SUPT3H: variants seen among roughly 807,000 people sequenced by gnomAD.
The protein encoded by SUPT3H is SPT3 homolog, SAGA and STAGA complex component, also known as transcription initiation protein SPT3 homolog.
Under a neutral mutation model 44.3 loss-of-function variants are expected in SUPT3H, and 44 were observed. The observed-to-expected ratio is 0.99, with a 90% confidence interval of 0.78 to 1.28. The LOEUF (loss-of-function observed/expected upper bound fraction) is 1.28. Among genes scored for constraint, SUPT3H ranks in the 50% most tolerant of loss-of-function variants. SUPT3H has a pLI of 0.00. For synonymous variants in SUPT3H, 124 were observed against 125.6 expected, an observed-to-expected ratio of 0.99 and a Z score of 0.09; for missense variants, 380 against 387.1, an observed-to-expected ratio of 0.98 and a Z score of 0.15.
intron 2 of SUPT3H, among the ~76,000 whole-genome samples, chr6:45,262,787 C>T (rs1028723549): frequency 7.2e-5 from 11 of 151,882 alleles, no homozygotes; most frequent in African/African-American, 2.2e-4. Context: ...CTAGGAGGAA[C>T]TTAATATGTG....
chr6:45,198,042 C>G (rs534206331), intron 2 of SUPT3H, among the ~76,000 whole-genome samples: 1 of 151,296 alleles, frequency 6.6e-6, no homozygotes, highest in South Asian at 2.1e-4. Flanking sequence ...AAAAATCTCT[C>G]AAAGTTCTCA....
intron 10 of SUPT3H, among the ~76,000 whole-genome samples, chr6:44,911,984 C>G (rs933082171): frequency 1.3e-5 from 2 of 152,212 alleles, no homozygotes; most frequent in Admixed American, 1.3e-4. Flanking sequence ...CAGCTCAAAT[C>G]TTCCCCTTGC....
chr6:44,924,027 G>A (rs1420883764), intron 10 of SUPT3H, among the ~76,000 whole-genome samples: 1 of 151,978 alleles, frequency 6.6e-6, no homozygotes, highest in African/African-American at 2.4e-5. Context: ...GATTTTCTTT[G>A]TGACATCTTT....
intron 6 of SUPT3H, among the ~76,000 whole-genome samples, chr6:44,993,345 G>C (rs1024239343): frequency 6.6e-6 from 1 of 151,930 alleles, no homozygotes; most frequent in African/African-American, 2.4e-5. Context: ...ATTGGATATA[G>C]TAAGCTACAG....
chr6:45,010,959 C>T (rs1046820895), intron 5 of SUPT3H, among the ~76,000 whole-genome samples: 1 of 152,056 alleles, frequency 6.6e-6, no homozygotes, highest in Non-Finnish European at 1.5e-5. Flanking sequence ...GCTTTTCCTA[C>T]ATTTATTGAG....
At chr6:45,059,337 CAT>C (rs770619701) in intron 3 of SUPT3H, among the ~76,000 whole-genome samples, 11 of 152,006 alleles carry the variant, frequency 7.2e-5, no homozygotes, top group Non-Finnish European at 1.0e-4. Flanking sequence ...AGACAAAAAC[CAT>C]ATGATTATTT....
At chr6:44,870,598 CAAAAA>C (rs775096457) in intron 10 of SUPT3H, among the ~76,000 whole-genome samples, 3 of 73,930 alleles carry the variant, frequency 4.1e-5, no homozygotes, top group African/African-American at 6.1e-5. Context: ...GACTCTGTCT[CAAAAA>C]AAAAAAAAAA....
chr6:45,083,736 T>C (rs961312867), intron 3 of SUPT3H, among the ~76,000 whole-genome samples: 1 of 148,910 alleles, frequency 6.7e-6, no homozygotes, highest in Non-Finnish European at 1.5e-5. Context: ...CGGTCTAGTA[T>C]AAAAACAGAC....
Position 45,242,059 on chromosome 6 carries a change from G to T in SUPT3H, c.101+123142C>A, listed in dbSNP as rs574132650. ...AACATTCCAGACAGTTCCACTTGTGGAAACTACAGAGCAAATTTACTTGAC... is the reference window on the plus strand; with the variant it reads ...AACATTCCAGACAGTTCCACTTGTGTAAACTACAGAGCAAATTTACTTGAC... On this transcript the variant is annotated intron_variant, in intron 2 of 10. Coordinates refer to ENST00000371459, the MANE Select transcript of SUPT3H (RefSeq NM_003599.4). Among the ~76,000 whole-genome samples the T allele has an allele frequency of 2.0e-5, 3 of 152,190 alleles. No homozygotes were observed. The South Asian group carries it at 6.2e-4, about 32-fold the overall frequency.
intron 2 of SUPT3H, among the ~76,000 whole-genome samples, chr6:45,260,090 C>T (rs1034303565): frequency 6.6e-6 from 1 of 152,110 alleles, no homozygotes; most frequent in Non-Finnish European, 1.5e-5. Flanking sequence ...CCTGCTTTCA[C>T]CAGTAAAATT....
chr6:44,904,676 G>A lies in SUPT3H; in HGVS notation c.912+27977C>T, dbSNP rs185997466. Among the ~76,000 whole-genome samples the A allele has an allele frequency of 5.4e-3, 821 of 152,166 alleles. 12 individuals carry two copies. The highest frequency in any genetic ancestry group is 0.019 in the African/African-American group (791 of 41,512). On this transcript the variant is annotated intron_variant, in intron 10 of 10. Transcript: ENST00000371459. The stretch of plus-strand genomic sequence containing the variant: ...CAGAATTGGAAAAAACTACTTTAAA[G>A]TTCATATGGAACCAAAAAAGAGCTT...
intron 3 of SUPT3H, among the ~76,000 whole-genome samples, chr6:45,064,795 C>T (rs1424440686): frequency 6.7e-5 from 10 of 148,364 alleles, no homozygotes; most frequent in African/African-American, 2.0e-4. Flanking sequence ...TACAGGAGCA[C>T]GCAGATTCAT....
intron 2 of SUPT3H, among the ~76,000 whole-genome samples, chr6:45,356,091 T>C (rs1321756475): frequency 6.6e-6 from 1 of 152,126 alleles, no homozygotes; most frequent in Admixed American, 6.5e-5. Flanking sequence ...AGATTCTCAC[T>C]CCTCTTCTCT....
At chr6:44,877,748 T>G (rs1212954846) in intron 10 of SUPT3H, among the ~76,000 whole-genome samples, 1 of 152,212 alleles carries the variant, frequency 6.6e-6, no homozygotes, top group Non-Finnish European at 1.5e-5. Context: ...AATTTTTTTT[T>G]GTCAGTGATG....
chr6:45,146,283 A>C (rs1009241630), intron 2 of SUPT3H, among the ~76,000 whole-genome samples: 3 of 152,190 alleles, frequency 2.0e-5, no homozygotes, highest in African/African-American at 7.2e-5. Context: ...CCATCAATCA[A>C]TGAGTGGATA....
chr6:45,334,412 A>G (rs549597972), intron 2 of SUPT3H, among the ~76,000 whole-genome samples: 2 of 145,558 alleles, frequency 1.4e-5, no homozygotes, highest in East Asian at 2.0e-4. Flanking sequence ...ATAGTCATGT[A>G]TCTTACACCT....
rs11412317 is a variant in SUPT3H, at chr6:44,919,462, AT to A, written c.912+13190del. Among the ~76,000 whole-genome samples, 979 of 147,338 alleles carry A rather than the reference AT, an allele frequency of 6.6e-3. 13 individuals carry two copies. The highest frequency in any genetic ancestry group is 0.023 in the African/African-American group (923 of 40,212). On this transcript the variant is annotated intron_variant, in intron 10 of 10. Transcript: ENST00000371459. Reference sequence around the variant, plus strand: ...AAGTTCAAACAGAAAGCTATAGTGTATTTTTTTTTTTTTAAAGTTTAGATGA... The same window carrying A: ...AAGTTCAAACAGAAAGCTATAGTGTATTTTTTTTTTTTAAAGTTTAGATGA...
intron 10 of SUPT3H, among the ~76,000 whole-genome samples, chr6:44,859,535 C>T (rs1161831412): frequency 6.6e-6 from 1 of 152,024 alleles, no homozygotes; most frequent in Non-Finnish European, 1.5e-5. Flanking sequence ...CATACTATAC[C>T]ACTCAGAATG....
intron 2 of SUPT3H, among the ~76,000 whole-genome samples, chr6:45,237,685 G>A (rs1769447550): frequency 6.6e-6 from 1 of 152,124 alleles, no homozygotes; most frequent in African/African-American, 2.4e-5. Flanking sequence ...AAGCCAATTT[G>A]GATAGAACAA....
Sources: gnomAD v4.1 joint callset for allele counts (sites outside exome capture counted in the v4.1 genomes callset) on GRCh38, gnomAD v4.1.1 for gene constraint, MANE v1.5 for transcripts, NCBI Gene and HGNC (gene_info 2026-07-23, HGNC 2026-07-21) for gene names.